Variants in SH3PXD2B observed in about 807,000 individuals in gnomAD.
The protein encoded by SH3PXD2B is SH3 and PX domain-containing protein 2B.
A neutral mutation model predicts 73.1 loss-of-function variants in SH3PXD2B; 37 were observed. The ratio of observed to expected loss-of-function variants is 0.51; its 90% CI spans 0.39 to 0.67. The LOEUF (loss-of-function observed/expected upper bound fraction) is 0.67. Ranked by LOEUF, SH3PXD2B falls within the 30% of genes least tolerant of loss-of-function variation. The pLI is 0.00. For synonymous variants in SH3PXD2B, 457 were observed against 480.5 expected, an observed-to-expected ratio of 0.95 and a Z score of 0.64; for missense variants, 1,053 against 1,197.8, an observed-to-expected ratio of 0.88 and a Z score of 1.78.
intron 4 of SH3PXD2B, among the ~76,000 whole-genome samples, chr5:172,391,069 G>A (rs1019597834): frequency 6.6e-6 from 1 of 152,022 alleles, no homozygotes; most frequent in Non-Finnish European, 1.5e-5. Flanking sequence ...TCGAACTCCC[G>A]ACCTCAGGTG....
At position 172,338,221 on chromosome 5, in the gene SH3PXD2B, T is replaced by C. The variant is rs1470076171; in HGVS notation, c.*148A>G. ...GGCGCCCGAGGTGTCCGAAACTCAC[T>C]CTCCACCCATGGGAGGCAAGAAGTC... On this transcript the variant is annotated 3_prime_UTR_variant, in exon 13 of 13. Coordinates refer to ENST00000311601, the MANE Select transcript of SH3PXD2B (RefSeq NM_001017995.3). The surrounding 1 kb of genome is among the most constrained non-coding windows in gnomAD (Gnocchi z 5.1). 1.3e-6 allele frequency: 2 copies of C among 1,540,916 alleles called. No individual in the cohort carries two copies. The highest frequency in any genetic ancestry group is 1.7e-6 in the Non-Finnish European group (2 of 1,145,024).
chr5:172,414,096 G>A (rs1758761395), intron 2 of SH3PXD2B, among the ~76,000 whole-genome samples: 2 of 152,198 alleles, frequency 1.3e-5, no homozygotes, highest in African/African-American at 2.4e-5. Context: ...GGGGCTTATG[G>A]GCAGATAGTC....
Position 172,335,963 on chromosome 5 carries a change from C to G in SH3PXD2B, c.*2406G>C. ...AGAGAATGGCAGATTCTTTCATTTG[C>G]AGGAAAACTTTCTGCCTAGAGGAAG... On this transcript the variant is annotated 3_prime_UTR_variant, in exon 13 of 13. Coordinates refer to ENST00000311601, the MANE Select transcript of SH3PXD2B (RefSeq NM_001017995.3). 9.3e-7 allele frequency: 1 copy of G among 1,077,540 alleles called. No individual in the cohort carries two copies. Among genetic ancestry groups the G allele is most frequent in the Non-Finnish European group, 1.1e-6 (1 of 890,642 alleles). The allele number at this position is 1,077,540 out of a possible 1,614,324, so 66.7% of individuals were successfully genotyped here.
At chr5:172,325,563 A>G (rs1177546256) in intron 12 of SH3PXD2B, among the ~76,000 whole-genome samples, 1 of 152,198 alleles carries the variant, frequency 6.6e-6, no homozygotes, top group Non-Finnish European at 1.5e-5. Context: ...AGGCCTTGGC[A>G]TGTGGTGATG....
In SH3PXD2B at chr5:172,336,758, G is replaced by T; in HGVS notation, c.*1611C>A. ...GTCGGGTAGAATGGGAAGGGGTTCT[G>T]CTCTGCTCTCTTACTCTGGGCTGGG... On this transcript the variant is annotated 3_prime_UTR_variant, in exon 13 of 13. Coordinates refer to ENST00000311601, the MANE Select transcript of SH3PXD2B (RefSeq NM_001017995.3). 1.0e-6 allele frequency: 1 copy of T among 985,732 alleles called. No individual in the cohort carries two copies. Among genetic ancestry groups the T allele is most frequent in the Non-Finnish European group, 1.2e-6 (1 of 830,234 alleles). The allele number at this position is 985,732 out of a possible 1,614,324, so 61.1% of individuals were successfully genotyped here. A position where few individuals can be genotyped will look rare whatever the true frequency, so the allele number is the denominator to read the frequency against.
At chr5:172,412,965 C>A (rs1232627360) in intron 2 of SH3PXD2B, among the ~76,000 whole-genome samples, 1 of 152,230 alleles carries the variant, frequency 6.6e-6, no homozygotes, top group Non-Finnish European at 1.5e-5. Flanking sequence ...AACACTCCAT[C>A]AGCAGTTTTC....
At chr5:172,362,252 AG>A (rs1757418908) in intron 7 of SH3PXD2B, among the ~76,000 whole-genome samples, 1 of 152,218 alleles carries the variant, frequency 6.6e-6, no homozygotes, top group Admixed American at 6.5e-5. Flanking sequence ...ATGGAAATCC[AG>A]GTTAAGTGTC....
chr5:172,436,104 GAC>G (rs1759380211), intron 1 of SH3PXD2B, among the ~76,000 whole-genome samples: 1 of 152,204 alleles, frequency 6.6e-6, no homozygotes. Context: ...CTGCTTCCAT[GAC>G]AGTGTCTGAA....
chr5:172,440,692 C>A (rs1759535516), intron 1 of SH3PXD2B, among the ~76,000 whole-genome samples: 1 of 152,156 alleles, frequency 6.6e-6, no homozygotes, highest in Admixed American at 6.5e-5. Context: ...CGGGCCGAGG[C>A]GTCCTAGAGA....
chr5:172,430,044 C>T (rs540533625), intron 1 of SH3PXD2B, among the ~76,000 whole-genome samples: 1 of 152,322 alleles, frequency 6.6e-6, no homozygotes, highest in South Asian at 2.1e-4. Flanking sequence ...ACCCCCATGA[C>T]TCAGTTTCCT....
intron 2 of SH3PXD2B, among the ~76,000 whole-genome samples, chr5:172,418,637 T>TG (rs1455649496): frequency 1.3e-5 from 2 of 152,190 alleles, no homozygotes; most frequent in African/African-American, 4.8e-5. Flanking sequence ...CAGCTTTCCC[T>TG]GCTGGGGTGT....
chr5:172,451,284 G>A (rs988749426), intron 1 of SH3PXD2B, among the ~76,000 whole-genome samples: 2 of 152,324 alleles, frequency 1.3e-5, no homozygotes, highest in African/African-American at 4.8e-5. Flanking sequence ...AATGGGGAGA[G>A]GGGTAGTGGG....
chr5:172,444,885 G>C (rs188098820), intron 1 of SH3PXD2B, among the ~76,000 whole-genome samples: 15 of 151,912 alleles, frequency 9.9e-5, no homozygotes, highest in South Asian at 4.2e-4. Context: ...TGGCCTTCCT[G>C]GGGGGGGACC....
rs1364672139 is a variant in SH3PXD2B at position 172,421,659 on chromosome 5, A to G, written c.156+757T>C. ...AGAGTCCTGAAGGGCAGAAGGGGTT[A>G]CTGGAGCCATGAGTGAGCCGGGAAG... On this transcript the variant is annotated intron_variant, in intron 2 of 12. Coordinates refer to ENST00000311601, the MANE Select transcript of SH3PXD2B (RefSeq NM_001017995.3). This position sits in a 1 kb window ranked among gnomAD's most constrained non-coding sequence, Gnocchi z 4.0. Among the ~76,000 whole-genome samples the G allele has an allele frequency of 6.6e-6, 1 of 152,160 alleles. No individual in the cohort carries two copies. Among genetic ancestry groups the G allele is most frequent in the Non-Finnish European group, 1.5e-5 (1 of 68,034 alleles).
At position 172,338,200 on chromosome 5, in the gene SH3PXD2B, CCCGAGGTGT is replaced by C; in HGVS notation, c.*160_*168del. Reference sequence around the variant, plus strand: ...ATAGGAGGGATCAGGCCCAGGGGCGCCCGAGGTGTCCGAAACTCACTCTCCACCCATGGG... The same window carrying C: ...ATAGGAGGGATCAGGCCCAGGGGCGCCCGAAACTCACTCTCCACCCATGGG... On this transcript the variant is annotated 3_prime_UTR_variant, in exon 13 of 13. Transcript: ENST00000311601. The surrounding 1 kb of genome is among the most constrained non-coding windows in gnomAD (Gnocchi z 5.1). 6.6e-7 allele frequency: 1 copy of C among 1,505,932 alleles called. No homozygotes were observed. Among genetic ancestry groups the C allele is most frequent in the African/African-American group, 1.4e-5 (1 of 72,046 alleles). The allele number at this position is 1,505,932 out of a possible 1,614,324, so 93.3% of individuals were successfully genotyped here.
rs1756616474 is a variant in SH3PXD2B, at chr5:172,333,617, C to T, written c.*4752G>A. On this transcript the variant is annotated 3_prime_UTR_variant, in exon 13 of 13. Transcript: ENST00000311601. ...GCTACAGCTAGTTGTTCTCACCCCTCCCCTCACATCCTATATACTCATTTA... is the reference window on the plus strand; with the variant it reads ...GCTACAGCTAGTTGTTCTCACCCCTTCCCTCACATCCTATATACTCATTTA... 2 of 1,285,510 alleles carry T rather than the reference C, an allele frequency of 1.6e-6. No homozygotes were observed. Among genetic ancestry groups the T allele is most frequent in the Admixed American group, 2.4e-5 (1 of 42,496 alleles). 79.6% of individuals were successfully genotyped at this position (1,285,510 alleles called of 1,614,324 possible).
intron 1 of SH3PXD2B, among the ~76,000 whole-genome samples, chr5:172,449,888 T>C (rs1759755052): frequency 6.6e-6 from 1 of 152,190 alleles, no homozygotes; most frequent in Admixed American, 6.5e-5. Flanking sequence ...AACAGGGGCA[T>C]GTTCATCAAT....
chr5:172,341,274 G>A (rs1331094667), intron 12 of SH3PXD2B, among the ~76,000 whole-genome samples: 1 of 152,154 alleles, frequency 6.6e-6, no homozygotes, highest in Non-Finnish European at 1.5e-5. Context: ...GATCATTAAG[G>A]TGGGCTGAGT....
intron 1 of SH3PXD2B, among the ~76,000 whole-genome samples, chr5:172,424,454 T>C (rs1332393912): frequency 6.6e-6 from 1 of 152,194 alleles, no homozygotes; most frequent in African/African-American, 2.4e-5. Flanking sequence ...CCAGAGTCTC[T>C]TTTCAAATGA....
Sources: gnomAD v4.1 joint callset for allele counts (sites outside exome capture counted in the v4.1 genomes callset) on GRCh38, gnomAD v4.1.1 for gene constraint, Gnocchi (gnomAD v3.1) non-coding constraint, MANE v1.5 for transcripts, NCBI Gene and HGNC (gene_info 2026-07-23, HGNC 2026-07-21) for gene names.